The following NPAS3 variants were observed in gnomAD, a reference collection of about 807,000 sequenced individuals.
NPAS3 encodes the protein neuronal PAS domain protein 3, also known as neuronal PAS domain-containing protein 3.
A neutral mutation model predicts 73.1 loss-of-function variants in NPAS3; 14 were observed. The ratio of observed to expected loss-of-function variants is 0.19; its 90% CI spans 0.13 to 0.30. The LOEUF (loss-of-function observed/expected upper bound fraction) is 0.30, where lower values mean the gene tolerates loss of function less well. Ranked by LOEUF, NPAS3 falls within the 10% of genes least tolerant of loss-of-function variation. NPAS3 has a pLI of 1.00. For missense variants in NPAS3, 1,096 were observed against 1,250.0 expected (o/e 0.88, Z 1.86); for synonymous variants, 620 against 541.5 (o/e 1.14, Z -2.01).
chr14:33,383,892 G>T (rs929835565), intron 4 of NPAS3, among the ~76,000 whole-genome samples: 3 of 152,040 alleles, frequency 2.0e-5, no homozygotes, highest in African/African-American at 7.2e-5. Context: ...ATAATCTGCC[G>T]CTATATTTGC....
intron 3 of NPAS3, among the ~76,000 whole-genome samples, chr14:33,288,453 C>T (rs926106353): frequency 9.9e-5 from 15 of 152,038 alleles, no homozygotes; most frequent in African/African-American, 3.4e-4. Flanking sequence ...AGATTGGTCA[C>T]AGATGGTTAT....
At chr14:33,625,324 C>G (rs1358490930) in intron 5 of NPAS3, among the ~76,000 whole-genome samples, 12 of 152,232 alleles carry the variant, frequency 7.9e-5, no homozygotes, top group Admixed American at 4.6e-4. Context: ...ACAGAGACCA[C>G]TTTTCCAGTT....
intron 2 of NPAS3, among the ~76,000 whole-genome samples, chr14:33,139,775 A>G (rs1201739549): frequency 2.0e-5 from 3 of 152,216 alleles, no homozygotes; most frequent in Non-Finnish European, 4.4e-5. Flanking sequence ...TATTGGCCAC[A>G]TGGGGCTAGT....
chr14:33,160,091 C>G (rs971695384), intron 2 of NPAS3, among the ~76,000 whole-genome samples: 3 of 152,072 alleles, frequency 2.0e-5, no homozygotes, highest in Non-Finnish European at 4.4e-5. Flanking sequence ...TTAAGGATAA[C>G]ATATCTTACA....
At chr14:33,763,921 G>A (rs11849676) in intron 7 of NPAS3, among the ~76,000 whole-genome samples, 103,758 of 151,322 alleles carry the variant, frequency 0.69, 35,687 homozygotes, top group African/African-American at 0.72. Context: ...TAGAATCACT[G>A]TTATTTGTGG....
At position 33,096,568 on chromosome 14, in the gene NPAS3, A is replaced by G. The variant is rs369013494; in HGVS notation, c.140+40574A>G. Among the ~76,000 whole-genome samples, 57 of 152,334 alleles carry G rather than the reference A, an allele frequency of 3.7e-4. 1 individual carries two copies. The South Asian group carries it at 0.011, about 30-fold the overall frequency. ...TCAAATCTGTGACCTTGTACAAGTC[A>G]CTTAGTCTCTCTGTGCCTCAATTTC... On this transcript the variant is annotated intron_variant, in intron 2 of 11. Coordinates refer to ENST00000356141, the Ensembl canonical transcript of NPAS3.
At chr14:33,365,460 A>G (rs2045800329) in intron 3 of NPAS3, among the ~76,000 whole-genome samples, 1 of 152,108 alleles carries the variant, frequency 6.6e-6, no homozygotes, top group Non-Finnish European at 1.5e-5. Flanking sequence ...TAAAAACCCT[A>G]TGTCTATATT....
intron 2 of NPAS3, among the ~76,000 whole-genome samples, chr14:33,172,879 T>G (rs2045449603): frequency 6.6e-6 from 1 of 152,194 alleles, no homozygotes; most frequent in South Asian, 2.1e-4. Flanking sequence ...TTGGTAATAG[T>G]TTAGGTTACA....
At chr14:33,358,533 T>G (rs1411784375) in intron 3 of NPAS3, among the ~76,000 whole-genome samples, 1 of 152,168 alleles carries the variant, frequency 6.6e-6, no homozygotes, top group Admixed American at 6.5e-5. Context: ...TTCACGTAAC[T>G]TCACTCCATA....
rs191910518 is a variant in NPAS3, at chr14:33,587,649, A to G, written c.558+27439A>G. ...AACTCTGGTTTATTGTGAACCTATC[A>G]CTAAGTATATTCTTCTTAAAGCTCT... On this transcript the variant is annotated intron_variant, in intron 5 of 11. Transcript: ENST00000356141. 1.7e-3 allele frequency among the ~76,000 whole-genome samples: 259 copies of G among 152,298 alleles called. 2 individuals are homozygous for G. The highest frequency in any genetic ancestry group is 4.7e-3 in the African/African-American group (197 of 41,564).
intron 3 of NPAS3, among the ~76,000 whole-genome samples, chr14:33,279,798 G>C (rs898905162): frequency 1.3e-5 from 2 of 151,972 alleles, no homozygotes; most frequent in African/African-American, 2.4e-5. Flanking sequence ...TTCTACCCTG[G>C]GAATGAAATA....
chr14:33,057,599 G>A (rs2040936190), intron 2 of NPAS3, among the ~76,000 whole-genome samples: 1 of 152,306 alleles, frequency 6.6e-6, no homozygotes, highest in South Asian at 2.1e-4. Context: ...CCCGGATGGG[G>A]CCACCAGGAA....
chr14:32,996,042 A>G (rs1183638458), intron 1 of NPAS3, among the ~76,000 whole-genome samples: 2 of 152,206 alleles, frequency 1.3e-5, no homozygotes, highest in Non-Finnish European at 2.9e-5. Flanking sequence ...AGCAATATGT[A>G]CAATTAAGGT....
At chr14:33,542,283 C>T (rs951007994) in intron 4 of NPAS3, among the ~76,000 whole-genome samples, 5 of 152,168 alleles carry the variant, frequency 3.3e-5, no homozygotes, top group Non-Finnish European at 7.3e-5. Flanking sequence ...GTGAGACTGT[C>T]AAACCAGGAG....
At position 33,222,621 on chromosome 14, in the gene NPAS3, C is replaced by T. The variant is rs150197511; in HGVS notation, c.385+7195C>T. ...TTACATGCCTGTCTCTGTATTGAGA[C>T]TATGAGCTTATTGAGGCAATAGCCT... On this transcript the variant is annotated intron_variant, in intron 3 of 11. Coordinates refer to ENST00000356141, the Ensembl canonical transcript of NPAS3. Among the ~76,000 whole-genome samples the T allele has an allele frequency of 2.5e-3, 385 of 152,298 alleles. 2 individuals carry two copies. The highest frequency in any genetic ancestry group is 8.8e-3 in the African/African-American group (366 of 41,566).
At position 33,174,510 on chromosome 14, in the gene NPAS3, G is replaced by T. The variant is rs190492307; in HGVS notation, c.141-40672G>T. Among the ~76,000 whole-genome samples, 17 of 152,296 alleles carry T rather than the reference G, an allele frequency of 1.1e-4. No homozygotes were observed. In the East Asian group the frequency reaches 2.7e-3, roughly 24 times the overall value. The stretch of plus-strand genomic sequence containing the variant: ...TTTATTGCAAAATAACTCCCAAGGA[G>T]CTAAGTAAATGTTTGTGTCTGTTGT... On this transcript the variant is annotated intron_variant, in intron 2 of 11. Transcript: ENST00000356141.
At chr14:33,729,550 G>C (rs1395562909) in intron 6 of NPAS3, among the ~76,000 whole-genome samples, 1 of 152,152 alleles carries the variant, frequency 6.6e-6, no homozygotes, top group African/African-American at 2.4e-5. Flanking sequence ...ACAGTCATCT[G>C]AAGGCTCACC....
intron 3 of NPAS3, among the ~76,000 whole-genome samples, chr14:33,363,546 A>G (rs1000982076): frequency 2.0e-5 from 3 of 152,206 alleles, no homozygotes; most frequent in African/African-American, 7.2e-5. Context: ...TTTCTCTTCC[A>G]TTTAAAGTCT....
chr14:33,325,333 CTT>C (rs904267773), intron 3 of NPAS3, among the ~76,000 whole-genome samples: 6 of 152,096 alleles, frequency 3.9e-5, no homozygotes, highest in African/African-American at 1.2e-4. Context: ...CAACTACACT[CTT>C]TGAGTTATTT....
Sources: gnomAD v4.1 joint callset for allele counts (sites outside exome capture counted in the v4.1 genomes callset) on GRCh38, gnomAD v4.1.1 for gene constraint, MANE v1.5 for transcripts, NCBI Gene and HGNC (gene_info 2026-07-23, HGNC 2026-07-21) for gene names.